TBC1D22A: variants seen among roughly 807,000 people sequenced by gnomAD.
TBC1D22A encodes putative GTPase activator.
In TBC1D22A, 38 loss-of-function variants were observed where a neutral mutation model predicts 60.2. The ratio of observed to expected loss-of-function variants is 0.63; its 90% CI spans 0.49 to 0.83. TBC1D22A has a LOEUF of 0.83. Ranked by LOEUF, TBC1D22A falls within the 40% of genes least tolerant of loss-of-function variation. The probability of loss-of-function intolerance (pLI) is 0.00; values close to 1 mark genes in which losing one functional copy is unlikely to be tolerated. For missense variants in TBC1D22A, 628 were observed against 701.0 expected (o/e 0.90, Z 1.18); for synonymous variants, 302 against 281.7 (o/e 1.07, Z -0.72).
Position 47,028,645 on chromosome 22 carries a change from G to A in TBC1D22A, c.1202-8426G>A, listed in dbSNP as rs1181470905. On this transcript the variant is annotated intron_variant, in intron 10 of 12. Coordinates refer to ENST00000337137, the MANE Select transcript of TBC1D22A (RefSeq NM_014346.5). The surrounding 1 kb of genome is among the most constrained non-coding windows in gnomAD (Gnocchi z 4.4). ...GCCTGTGCATACTTAGCTGTGTCTTGGGTCTGACCTGTCTTCAGCCCCATC... is the reference window on the plus strand; with the variant it reads ...GCCTGTGCATACTTAGCTGTGTCTTAGGTCTGACCTGTCTTCAGCCCCATC... 6.6e-6 allele frequency among the ~76,000 whole-genome samples: 1 copy of A among 152,224 alleles called. No individual in the cohort carries two copies. The highest frequency in any genetic ancestry group is 1.5e-5 in the Non-Finnish European group (1 of 68,042).
intron 11 of TBC1D22A, among the ~76,000 whole-genome samples, chr22:47,094,823 C>T (rs1439177590): frequency 6.6e-6 from 1 of 152,142 alleles, no homozygotes; most frequent in Non-Finnish European, 1.5e-5. Context: ...CCCTGATCAG[C>T]CCCCGAGGCT....
intron 11 of TBC1D22A, among the ~76,000 whole-genome samples, chr22:47,043,119 C>T (rs372299993): frequency 9.2e-4 from 140 of 152,328 alleles, no homozygotes; most frequent in African/African-American, 3.2e-3. Context: ...GAGAGGGATC[C>T]TGACAGCAAA....
chr22:46,906,265 T>A (rs567042669), intron 7 of TBC1D22A, among the ~76,000 whole-genome samples: 2 of 152,036 alleles, frequency 1.3e-5, no homozygotes, highest in African/African-American at 4.8e-5. Context: ...TGGAGGGAGA[T>A]AAGCAGCCAG....
intron 4 of TBC1D22A, among the ~76,000 whole-genome samples, chr22:46,834,895 C>T (rs1173976764): frequency 6.6e-6 from 1 of 152,208 alleles, no homozygotes; most frequent in Non-Finnish European, 1.5e-5. Flanking sequence ...CAGACACAGA[C>T]AGCTGGCTTG....
At position 46,762,832 on chromosome 22, in the gene TBC1D22A, A is replaced by C; in HGVS notation, c.46A>C (p.Ser16Arg). Residue 16 changes from serine to arginine, a missense_variant, in exon 1 of 13, where the codon AGC becomes CGC. Physicochemically the swap from Ser to Arg is moderately radical, Grantham distance 110. Coordinates refer to ENST00000337137, the MANE Select transcript of TBC1D22A (RefSeq NM_014346.5). ...ARKQFWKRSN[S>R]KLPGSIQHVY... ...GAAGCAATTCTGGAAGCGCAGCAAC[A>C]GCAAGCTCCCGGGCAGGTGGGTGTG... is the stretch of plus-strand genomic sequence containing the variant. 6.8e-7 allele frequency: 1 copy of C among 1,463,624 alleles called. No homozygotes were observed. Among genetic ancestry groups the C allele is most frequent in the Non-Finnish European group, 9.0e-7 (1 of 1,114,420 alleles). The allele number at this position is 1,463,624 out of a possible 1,614,324, so 90.7% of individuals were successfully genotyped here.
intron 12 of TBC1D22A, among the ~76,000 whole-genome samples, 163 bp from the exon 13 acceptor site, chr22:47,173,334 AC>A (rs2068565113): frequency 6.6e-6 from 1 of 151,756 alleles, no homozygotes; most frequent in African/African-American, 2.4e-5. Flanking sequence ...ACCTCCTCTG[AC>A]CTGGGCTTGT....
intron 12 of TBC1D22A, among the ~76,000 whole-genome samples, chr22:47,117,630 G>T (rs1004602824): frequency 6.6e-6 from 1 of 152,170 alleles, no homozygotes; most frequent in African/African-American, 2.4e-5. Flanking sequence ...GGCAGCGGCC[G>T]CAGGAGCGAG....
intron 11 of TBC1D22A, among the ~76,000 whole-genome samples, chr22:47,046,011 G>C (rs1034029755): frequency 1.3e-5 from 2 of 152,198 alleles, no homozygotes; most frequent in African/African-American, 4.8e-5. Context: ...AGAAGACCTA[G>C]GCCAAGGAGG....
intron 8 of TBC1D22A, among the ~76,000 whole-genome samples, chr22:46,943,889 T>A (rs2072341124): frequency 6.6e-6 from 1 of 152,240 alleles, no homozygotes; most frequent in South Asian, 2.1e-4. Context: ...GCGTCAGTAC[T>A]CCGGTCCTTT....
At chr22:46,995,069 C>T (rs1052445287) in intron 9 of TBC1D22A, among the ~76,000 whole-genome samples, 1 of 152,232 alleles carries the variant, frequency 6.6e-6, no homozygotes, top group Non-Finnish European at 1.5e-5. Flanking sequence ...CCTAAAAGTC[C>T]TGCCCATTAA....
At chr22:47,099,506 C>T (rs1796855856) in intron 11 of TBC1D22A, among the ~76,000 whole-genome samples, 2 of 150,590 alleles carry the variant, frequency 1.3e-5, no homozygotes, top group African/African-American at 4.9e-5. Context: ...AGTGCAATGG[C>T]GCGATCTCAG....
chr22:46,803,047 C>CA (rs2084964677), intron 4 of TBC1D22A, among the ~76,000 whole-genome samples: 1 of 152,100 alleles, frequency 6.6e-6, no homozygotes, highest in South Asian at 2.1e-4. Context: ...CCTCATGAAA[C>CA]AGAGAGCCAG....
chr22:46,874,070 A>G (rs2067419599), intron 4 of TBC1D22A, among the ~76,000 whole-genome samples: 1 of 152,146 alleles, frequency 6.6e-6, no homozygotes, highest in African/African-American at 2.4e-5. Flanking sequence ...TCGGCCTCCC[A>G]AAGTGCTGGG....
intron 12 of TBC1D22A, among the ~76,000 whole-genome samples, chr22:47,172,800 T>C (rs2068536936): frequency 6.6e-6 from 1 of 152,222 alleles, no homozygotes; most frequent in African/African-American, 2.4e-5. Context: ...AAGCTGGGTT[T>C]GGTGGAGCCC....
At chr22:46,850,480 A>G (rs1006190179) in intron 4 of TBC1D22A, among the ~76,000 whole-genome samples, 6 of 152,250 alleles carry the variant, frequency 3.9e-5, no homozygotes, top group African/African-American at 1.4e-4. Flanking sequence ...ACCCACTAGG[A>G]TGATTATAAT....
At chr22:47,144,584 G>A (rs979769702) in intron 12 of TBC1D22A, among the ~76,000 whole-genome samples, 1 of 152,270 alleles carries the variant, frequency 6.6e-6, no homozygotes, top group Non-Finnish European at 1.5e-5. Flanking sequence ...TGCACTTAGG[G>A]CACACTCAGG....
intron 8 of TBC1D22A, among the ~76,000 whole-genome samples, chr22:46,954,611 G>A (rs1382295915): frequency 1.3e-5 from 2 of 152,192 alleles, no homozygotes; most frequent in Non-Finnish European, 2.9e-5. Context: ...CAGGAGCTGA[G>A]GACGCCGAGC....
Position 46,884,593 on chromosome 22 carries a change from C to T in TBC1D22A, c.708+5870C>T, listed in dbSNP as rs6007980. Among the ~76,000 whole-genome samples the T allele has an allele frequency of 5.9e-3, 901 of 152,330 alleles. 13 individuals are homozygous for T. Among genetic ancestry groups the T allele is most frequent in the African/African-American group, 0.021 (856 of 41,578 alleles). ...GGCTGTCCTCGAAAGGGCAGCCAGT[C>T]AACACCCTGGGCTTGGTGGCCCCTG... On this transcript the variant is annotated intron_variant, in intron 5 of 12. Transcript: ENST00000337137.
intron 8 of TBC1D22A, among the ~76,000 whole-genome samples, chr22:46,970,254 G>A (rs895588516): frequency 6.6e-6 from 1 of 151,870 alleles, no homozygotes; most frequent in Non-Finnish European, 1.5e-5. Context: ...AGCCATGGCT[G>A]TCATTTCATT....
Sources: allele counts gnomAD v4.1 joint callset (sites outside exome capture counted in the v4.1 genomes callset), GRCh38; gene constraint gnomAD v4.1.1; non-coding constraint Gnocchi (gnomAD v3.1); transcripts MANE v1.5; gene names NCBI Gene and HGNC (gene_info 2026-07-23, HGNC 2026-07-21).